SGK1: variants seen among roughly 807,000 people sequenced by gnomAD.
SGK1 encodes serum/glucocorticoid regulated kinase 1.
Under a neutral mutation model 64.2 loss-of-function variants are expected in SGK1, and 26 were observed. The observed-to-expected ratio is 0.40, with a 90% CI of 0.30 to 0.56. SGK1 has a LOEUF of 0.56. Ranked by LOEUF, SGK1 falls within the 20% of genes least tolerant of loss-of-function variation. The pLI, the probability that SGK1 is intolerant of heterozygous loss-of-function variation, is 0.38. For synonymous variants in SGK1, 265 were observed against 239.7 expected (o/e 1.11, Z -0.98); for missense variants, 519 against 645.6 (o/e 0.80, Z 2.12).
At chr6:134,298,544 AC>A (rs1777397409) in intron 1 of SGK1, 1 of 812,994 alleles carries the variant, frequency 1.2e-6, no homozygotes, top group Non-Finnish European at 2.1e-6. Flanking sequence ...CATAGCCTCC[AC>A]CCAGGCTACC....
intron 2 of SGK1, among the ~76,000 whole-genome samples, chr6:134,239,541 G>A (rs566641742): frequency 3.9e-5 from 6 of 152,162 alleles, no homozygotes; most frequent in East Asian, 1.9e-4. Flanking sequence ...ATTGGGCTAC[G>A]CACATTTTAC....
chr6:134,296,081 TG>T (rs1201195165), intron 1 of SGK1, among the ~76,000 whole-genome samples: 11 of 152,226 alleles, frequency 7.2e-5, no homozygotes, highest in Admixed American at 1.3e-4. Context: ...TGTGATGTAA[TG>T]GGAAGAGAAT....
intron 2 of SGK1, among the ~76,000 whole-genome samples, chr6:134,227,288 C>T (rs922990755): frequency 6.6e-5 from 10 of 151,934 alleles, no homozygotes; most frequent in East Asian, 1.9e-4. Context: ...GCGTCCACTA[C>T]CATGCCTGGC....
rs575706569 is a variant in SGK1, at chr6:134,212,367, C to G, written c.286-4936G>C. ...CGCGCCCGGTGATTCCTGTTTTTAA[C>G]TCACTCTTAAATTACAAAGAACAGG... On this transcript the variant is annotated intron_variant, in intron 2 of 13. Coordinates refer to ENST00000367858, the MANE Select transcript of SGK1 (RefSeq NM_001143676.3). 2.6e-5 allele frequency among the ~76,000 whole-genome samples: 4 copies of G among 152,204 alleles called. No homozygotes were observed. In the South Asian group the frequency reaches 8.3e-4, roughly 32 times the overall value.
At chr6:134,243,821 G>T (rs897129251) in intron 2 of SGK1, among the ~76,000 whole-genome samples, 2 of 152,046 alleles carry the variant, frequency 1.3e-5, no homozygotes, top group Non-Finnish European at 2.9e-5. Context: ...ATGGATAATT[G>T]TTGTTTGTGG....
chr6:134,264,605 G>A (rs1462429387), intron 1 of SGK1, among the ~76,000 whole-genome samples: 1 of 152,090 alleles, frequency 6.6e-6, no homozygotes, highest in Non-Finnish European at 1.5e-5. Context: ...TCACAGTACT[G>A]AATTTTAGTT....
intron 1 of SGK1, among the ~76,000 whole-genome samples, chr6:134,263,574 T>C (rs138325878): frequency 1.5e-3 from 233 of 152,298 alleles, no homozygotes; most frequent in Middle Eastern, 3.4e-3. Context: ...AAATTGCTTC[T>C]GGCTAAGAAA....
chr6:134,180,753 C>G (rs1352991158), intron 3 of SGK1, among the ~76,000 whole-genome samples: 1 of 151,830 alleles, frequency 6.6e-6, no homozygotes, highest in Non-Finnish European at 1.5e-5. Context: ...CGCCTGTAGT[C>G]CCAGCTACAT....
At position 134,173,576 on chromosome 6, in the gene SGK1, A is replaced by C. The variant is rs1232414249; in HGVS notation, c.514-10T>G. 2 of 1,564,822 alleles carry C rather than the reference A, an allele frequency of 1.3e-6. No individual in the cohort carries two copies. The highest frequency in any genetic ancestry group is 1.7e-6 in the Non-Finnish European group (2 of 1,154,432). On this transcript the variant is annotated splice_polypyrimidine_tract_variant and intron_variant, in intron 5 of 13. Coordinates refer to ENST00000367858, the MANE Select transcript of SGK1 (RefSeq NM_001143676.3). ...GCTGAGAAGGACTTGGCTAGAAAAA[A>C]AAAAAAAGAATTTCTTTTAATACCA...
chr6:134,273,526 G>T (rs902128279), intron 1 of SGK1, among the ~76,000 whole-genome samples: 1 of 139,252 alleles, frequency 7.2e-6, no homozygotes, highest in East Asian at 2.4e-4. Context: ...CCGGGAGGCG[G>T]AGCTTGCAGT....
chr6:134,256,997 ACAAAACAAC>A (rs528585967), intron 2 of SGK1: 1,588 of 115,648 alleles, frequency 0.014, 15 homozygotes, highest in Non-Finnish European at 0.021. Flanking sequence ...TTAAAGTTGA[ACAAAACAAC>A]AACAACAACA....
At chr6:134,241,048 CT>C (rs10686058) in intron 2 of SGK1, among the ~76,000 whole-genome samples, 15 of 74,118 alleles carry the variant, frequency 2.0e-4, no homozygotes, top group Non-Finnish European at 3.1e-4. Flanking sequence ...TTCTTTTTTT[CT>C]TTTTTTTTTT....
chr6:134,232,184 C>T (rs192921740), intron 2 of SGK1, among the ~76,000 whole-genome samples: 203 of 147,430 alleles, frequency 1.4e-3, no homozygotes, highest in African/African-American at 4.7e-3. Context: ...GTCGAGAGTT[C>T]GGACCAGCCT....
chr6:134,175,747 G>A (rs1379734749), intron 3 of SGK1: 26 of 1,354,890 alleles, frequency 1.9e-5, no homozygotes, highest in Non-Finnish European at 2.4e-5. Flanking sequence ...GACTCAGGCC[G>A]GGCAAGATTT....
At chr6:134,199,297 G>T (rs558796193) in intron 3 of SGK1, among the ~76,000 whole-genome samples, 1 of 152,074 alleles carries the variant, frequency 6.6e-6, no homozygotes, top group African/African-American at 2.4e-5. Flanking sequence ...GGTGGCTCAC[G>T]CCTGTAATCT....
chr6:134,311,180 A>G (rs746281512), intron 1 of SGK1, among the ~76,000 whole-genome samples: 4 of 152,246 alleles, frequency 2.6e-5, no homozygotes, highest in Non-Finnish European at 4.4e-5. Flanking sequence ...TAGATTTCTG[A>G]GCCACCAAAG....
intron 3 of SGK1, chr6:134,175,516 C>A: frequency 6.8e-7 from 1 of 1,465,374 alleles, no homozygotes; most frequent in East Asian, 2.9e-5. Flanking sequence ...TGAGCCAAGC[C>A]CCCAGCGGGG....
intron 1 of SGK1, among the ~76,000 whole-genome samples, chr6:134,263,508 G>T (rs1456811191): frequency 2.0e-5 from 3 of 151,946 alleles, no homozygotes; most frequent in Non-Finnish European, 4.4e-5. Flanking sequence ...GGGATTACAG[G>T]CATGAGCCAC....
intron 3 of SGK1, among the ~76,000 whole-genome samples, chr6:134,205,052 A>C (rs1371001926): frequency 5.9e-5 from 9 of 152,024 alleles, no homozygotes; most frequent in Admixed American, 5.9e-4. Context: ...AAAGGAATAA[A>C]GAATAGCTGC....
Sources: gnomAD v4.1 joint callset for allele counts (sites outside exome capture counted in the v4.1 genomes callset) on GRCh38, gnomAD v4.1.1 for gene constraint, MANE v1.5 for transcripts, NCBI Gene and HGNC (gene_info 2026-07-23, HGNC 2026-07-21) for gene names.